Variants in THADA observed in about 807,000 individuals in gnomAD.
THADA encodes the protein tRNA (32-2'-O)-methyltransferase regulator THADA.
A neutral mutation model predicts 219.8 loss-of-function variants in THADA; 213 were observed. The observed-to-expected ratio is 0.97, with a 90% CI of 0.87 to 1.09. THADA has a LOEUF of 1.09. Ranked by LOEUF, THADA falls within the 50% of genes least tolerant of loss-of-function variation. The pLI, the probability that THADA is intolerant of heterozygous loss-of-function variation, is 0.00. For missense variants in THADA, 2,956 were observed against 2,311.3 expected (o/e 1.28, Z -5.72); for synonymous variants, 1,018 against 828.9 (o/e 1.23, Z -3.92).
intron 29 of THADA, among the ~76,000 whole-genome samples, chr2:43,350,858 C>T (rs1359758759): frequency 6.6e-6 from 1 of 152,160 alleles, no homozygotes; most frequent in Admixed American, 6.5e-5. Context: ...AACATGACAC[C>T]TTACTGTGTT....
chr2:43,299,185 A>T (rs1022572565), intron 31 of THADA, among the ~76,000 whole-genome samples: 4 of 111,424 alleles, frequency 3.6e-5, no homozygotes, highest in Admixed American at 9.2e-5. Flanking sequence ...AAATATTTAA[A>T]AAAAAAAAAC....
intron 26 of THADA, among the ~76,000 whole-genome samples, chr2:43,469,811 T>C (rs1351799924): frequency 6.6e-6 from 1 of 152,168 alleles, no homozygotes; most frequent in Non-Finnish European, 1.5e-5. Context: ...GAAAGTGTTT[T>C]AAAAACGAAA....
intron 26 of THADA, among the ~76,000 whole-genome samples, chr2:43,474,034 T>C (rs968677618): frequency 2.6e-5 from 4 of 152,232 alleles, no homozygotes; most frequent in African/African-American, 9.6e-5. Context: ...AGCTCCACTA[T>C]AATCTTATGG....
chr2:43,385,056 G>A (rs1009420777), intron 29 of THADA, among the ~76,000 whole-genome samples: 5 of 151,960 alleles, frequency 3.3e-5, no homozygotes, highest in African/African-American at 7.3e-5. Context: ...CAGGAGAATC[G>A]CTTGAACCTG....
At chr2:43,361,070 T>G (rs973799404) in intron 29 of THADA, among the ~76,000 whole-genome samples, 1 of 152,026 alleles carries the variant, frequency 6.6e-6, no homozygotes, top group Non-Finnish European at 1.5e-5. Context: ...TGAAAGGGGG[T>G]GCTACCAGTA....
intron 29 of THADA, among the ~76,000 whole-genome samples, chr2:43,396,039 G>A (rs749153251): frequency 1.3e-5 from 2 of 152,180 alleles, no homozygotes; most frequent in South Asian, 2.1e-4. Flanking sequence ...TTATAGGCAT[G>A]AGCCCCCACA....
intron 21 of THADA, among the ~76,000 whole-genome samples, chr2:43,538,864 C>T (rs1282728467): frequency 6.6e-6 from 1 of 152,154 alleles, no homozygotes; most frequent in Admixed American, 6.5e-5. Flanking sequence ...CTTCTCCCCA[C>T]ACAGCAACAA....
chr2:43,503,047 A>G (rs1199060308), intron 24 of THADA, among the ~76,000 whole-genome samples: 1 of 152,250 alleles, frequency 6.6e-6, no homozygotes, highest in African/African-American at 2.4e-5. Flanking sequence ...CTAAGCAGAA[A>G]GTCAAAAACT....
Position 43,572,833 on chromosome 2 carries a change from A to C in THADA, c.1889T>G (p.Leu630Ter). The change falls in exon 12 of 38, where the codon TTA (leucine) becomes TGA (stop). Residue 630 changes from leucine to a stop codon, truncating the protein, a stop_gained. Coordinates refer to ENST00000405975, the MANE Select transcript of THADA (RefSeq NM_022065.5). LOFTEE classifies it high-confidence loss of function. ...LVSDARIKQGLIHQHCQVRID... is the reference protein window; with the variant it reads ...LVSDARIKQG ...ACTTACTTGGCAATGCTGATGAATT[A>C]AGCCTTGCTTTATTCTTGCATCAGA... is the stretch of plus-strand genomic sequence containing the variant. The C allele has an allele frequency of 6.2e-7, 1 of 1,613,674 alleles. No individual in the cohort carries two copies. The highest frequency in any genetic ancestry group is 8.5e-7 in the Non-Finnish European group (1 of 1,179,758).
intron 26 of THADA, among the ~76,000 whole-genome samples, chr2:43,481,320 C>A (rs1686192403): frequency 6.6e-6 from 1 of 152,156 alleles, no homozygotes; most frequent in Middle Eastern, 3.2e-3. Context: ...TTGGATCATC[C>A]CATGATTTTA....
intron 36 of THADA, chr2:43,233,394 T>G (rs1049854066): frequency 6.5e-6 from 1 of 153,240 alleles, no homozygotes; most frequent in Admixed American, 6.5e-5. Flanking sequence ...AAAGCAGCCA[T>G]GGACAATCTG....
At chr2:43,446,844 G>A (rs1320108671) in intron 26 of THADA, among the ~76,000 whole-genome samples, 1 of 152,188 alleles carries the variant, frequency 6.6e-6, no homozygotes, top group Non-Finnish European at 1.5e-5. Context: ...CTAGAAGTCA[G>A]AAGTCTGAAA....
At chr2:43,322,426 C>T (rs919022146) in intron 30 of THADA, among the ~76,000 whole-genome samples, 30 of 151,700 alleles carry the variant, frequency 2.0e-4, no homozygotes, top group African/African-American at 7.0e-4. Flanking sequence ...ATCACTTGAA[C>T]CTGGAAGGCA....
chr2:43,560,047 CT>C (rs1334288378), intron 16 of THADA, among the ~76,000 whole-genome samples, 186 bp downstream of exon 16: 1 of 152,166 alleles, frequency 6.6e-6, no homozygotes, highest in Non-Finnish European at 1.5e-5. Context: ...GCCTTATTTA[CT>C]TTTTGATATT....
intron 29 of THADA, among the ~76,000 whole-genome samples, chr2:43,364,541 G>A (rs907354683): frequency 1.3e-5 from 2 of 152,282 alleles, no homozygotes; most frequent in East Asian, 1.9e-4. Context: ...CAATGCCCCC[G>A]TGGAGAAAAA....
At chr2:43,595,009 G>A (rs573714402) in intron 1 of THADA, among the ~76,000 whole-genome samples, 1 of 152,190 alleles carries the variant, frequency 6.6e-6, no homozygotes. Flanking sequence ...CTGAATGAAG[G>A]CAGCAACTTT....
chr2:43,571,088 T>C (rs995056854), intron 13 of THADA, among the ~76,000 whole-genome samples: 1 of 151,932 alleles, frequency 6.6e-6, no homozygotes, highest in Admixed American at 6.6e-5. Flanking sequence ...AGACACTATC[T>C]CTAAAAAAAA....
intron 28 of THADA, among the ~76,000 whole-genome samples, chr2:43,403,058 C>A (rs1480090681): frequency 6.6e-6 from 1 of 152,218 alleles, no homozygotes; most frequent in Non-Finnish European, 1.5e-5. Flanking sequence ...CATTAATCTT[C>A]ATTCCAAGGT....
intron 27 of THADA, 89 bp downstream of exon 27, chr2:43,430,124 T>C: frequency 1.6e-6 from 1 of 619,366 alleles, no homozygotes; most frequent in Non-Finnish European, 2.6e-6. Flanking sequence ...AAGAATTTTA[T>C]TAAAAACAGC....
Sources: allele counts gnomAD v4.1 joint callset (sites outside exome capture counted in the v4.1 genomes callset), GRCh38; gene constraint gnomAD v4.1.1; transcripts MANE v1.5; gene names NCBI Gene and HGNC (gene_info 2026-07-23, HGNC 2026-07-21).